The following TMEM132C variants were observed in gnomAD, a reference collection of about 807,000 sequenced individuals.
The protein encoded by TMEM132C is transmembrane protein 132C.
A neutral mutation model predicts 61.4 loss-of-function variants in TMEM132C; 29 were observed. The observed-to-expected ratio is 0.47, with a 90% CI of 0.35 to 0.64. TMEM132C has a LOEUF of 0.64. TMEM132C is among the 30% of genes least tolerant of loss of function. TMEM132C has a pLI of 0.00. For missense variants in TMEM132C, 1,408 were observed against 1,476.9 expected (o/e 0.95, Z 0.76); for synonymous variants, 656 against 633.1 (o/e 1.04, Z -0.54).
Position 128,328,934 on chromosome 12 carries a change from T to A in TMEM132C, c.85+61447T>A, listed in dbSNP as rs1244160825. 3.9e-5 allele frequency among the ~76,000 whole-genome samples: 6 copies of A among 152,218 alleles called. No individual in the cohort carries two copies. In the East Asian group the frequency reaches 1.2e-3, roughly 29 times the overall value. On this transcript the variant is annotated intron_variant, in intron 1 of 8. Transcript: ENST00000435159. The stretch of plus-strand genomic sequence containing the variant: ...TTGGATAACTGTTGTGATGCATCCC[T>A]GCCTATCCTCTGTGTGCTTTGGGTT...
intron 3 of TMEM132C, among the ~76,000 whole-genome samples, chr12:128,606,861 G>C (rs1365714169): frequency 6.6e-6 from 1 of 152,136 alleles, no homozygotes; most frequent in East Asian, 1.9e-4. Flanking sequence ...ATCTTTTCTA[G>C]AATTTTTAAA....
At chr12:128,288,055 C>CT (rs547550461) in intron 1 of TMEM132C, 5,879 of 135,142 alleles carry the variant, frequency 0.044, 319 homozygotes, top group African/African-American at 0.12. Flanking sequence ...TCCTCTCTTA[C>CT]TTTTTTTTTT....
chr12:128,608,640 T>G lies in TMEM132C; in HGVS notation c.1122-7512T>G, dbSNP rs556092718. On this transcript the variant is annotated intron_variant, in intron 3 of 8. Transcript: ENST00000435159. The stretch of plus-strand genomic sequence containing the variant: ...TAATCACAGAGAGAAAACACTTCTG[T>G]GTACAGCAGTAATTCTCCACATTGA... Among the ~76,000 whole-genome samples the G allele has an allele frequency of 2.0e-5, 3 of 152,336 alleles. No individual in the cohort carries two copies. The East Asian group carries it at 5.8e-4, about 29-fold the overall frequency.
intron 2 of TMEM132C, among the ~76,000 whole-genome samples, chr12:128,497,844 T>C (rs1434496344): frequency 6.6e-6 from 1 of 152,092 alleles, no homozygotes; most frequent in Non-Finnish European, 1.5e-5. Flanking sequence ...CTGCCCCCAA[T>C]GTCTGACAAG....
chr12:128,416,465 GT>G (rs900847644), intron 2 of TMEM132C, among the ~76,000 whole-genome samples: 3 of 152,276 alleles, frequency 2.0e-5, no homozygotes, highest in Non-Finnish European at 2.9e-5. Flanking sequence ...GGATAAAAAT[GT>G]TTTTTTCTTG....
intron 4 of TMEM132C, among the ~76,000 whole-genome samples, chr12:128,628,567 T>C (rs1954039561): frequency 6.6e-6 from 1 of 152,250 alleles, no homozygotes; most frequent in Non-Finnish European, 1.5e-5. Context: ...TGTCTATTTG[T>C]ACATTCATTA....
intron 2 of TMEM132C, among the ~76,000 whole-genome samples, chr12:128,523,919 G>A (rs954904138): frequency 2.0e-5 from 3 of 151,836 alleles, no homozygotes; most frequent in Admixed American, 1.3e-4. Flanking sequence ...AGGCTGAGGT[G>A]GGAGGATTGC....
At chr12:128,508,474 T>A (rs1232312818) in intron 2 of TMEM132C, among the ~76,000 whole-genome samples, 1 of 152,170 alleles carries the variant, frequency 6.6e-6, no homozygotes, top group Non-Finnish European at 1.5e-5. Context: ...TAATGATAGA[T>A]GCAGGGAGGC....
intron 3 of TMEM132C, among the ~76,000 whole-genome samples, chr12:128,613,929 A>G (rs959015591): frequency 4.6e-5 from 7 of 152,198 alleles, no homozygotes; most frequent in Non-Finnish European, 1.0e-4. Context: ...TTGATATGCC[A>G]TGGAAAATCT....
Position 128,278,750 on chromosome 12 carries a change from A to ATGTGTGTGTGTGTGTG in TMEM132C, c.85+11285_85+11300dup, listed in dbSNP as rs35003496. Among the ~76,000 whole-genome samples, 2 of 136,966 alleles carry ATGTGTGTGTGTGTGTG rather than the reference A, an allele frequency of 1.5e-5. No individual in the cohort carries two copies. Among genetic ancestry groups the ATGTGTGTGTGTGTGTG allele is most frequent in the African/African-American group, 5.3e-5 (2 of 37,460 alleles). 89.9% of individuals were successfully genotyped at this position (136,966 alleles called of 152,430 possible). Reference sequence around the variant, plus strand: ...TGTGCAGACTTGATTCTATACGTGTATGTGTGTGTGTGTGTGTGTGTGTGT... The same window carrying ATGTGTGTGTGTGTGTG: ...TGTGCAGACTTGATTCTATACGTGTATGTGTGTGTGTGTGTGTGTGTGTGTGTGTGTGTGTGTGTGT... On this transcript the variant is annotated intron_variant, in intron 1 of 8. Coordinates refer to ENST00000435159, the MANE Select transcript of TMEM132C (RefSeq NM_001136103.3). This position sits in a 1 kb window ranked among gnomAD's most constrained non-coding sequence, Gnocchi z 4.2.
chr12:128,435,826 G>A (rs1216344477), intron 2 of TMEM132C, among the ~76,000 whole-genome samples: 2 of 152,242 alleles, frequency 1.3e-5, no homozygotes, highest in East Asian at 3.9e-4. Flanking sequence ...CCAAAAAAGA[G>A]CCCACATTGC....
Position 128,570,261 on chromosome 12 carries a change from G to A in TMEM132C, c.1121+26158G>A, listed in dbSNP as rs1874832457. On this transcript the variant is annotated intron_variant, in intron 3 of 8. Transcript: ENST00000435159. The surrounding 1 kb of genome is among the most constrained non-coding windows in gnomAD (Gnocchi z 4.7). ...GTGGTCACATTGAGAAAAGATGCAA[G>A]ACGCATTCTGACACTTAGGTGAAGC... Among the ~76,000 whole-genome samples the A allele has an allele frequency of 6.6e-6, 1 of 151,954 alleles. No homozygotes were observed. Among genetic ancestry groups the A allele is most frequent in the African/African-American group, 2.4e-5 (1 of 41,336 alleles).
chr12:128,565,236 C>T (rs937732202), intron 3 of TMEM132C, among the ~76,000 whole-genome samples: 2 of 152,272 alleles, frequency 1.3e-5, no homozygotes, highest in African/African-American at 2.4e-5. Context: ...CTCTCAACAA[C>T]GACATGATCT....
chr12:128,549,022 G>C (rs1874060375), intron 3 of TMEM132C, among the ~76,000 whole-genome samples: 1 of 152,150 alleles, frequency 6.6e-6, no homozygotes, highest in Non-Finnish European at 1.5e-5. Context: ...GTAACAAGGG[G>C]AAACTGTCCA....
intron 2 of TMEM132C, among the ~76,000 whole-genome samples, chr12:128,507,461 T>A (rs1231795304): frequency 6.8e-6 from 1 of 146,028 alleles, no homozygotes; most frequent in Non-Finnish European, 1.5e-5. Context: ...GTCTTTCAGA[T>A]GAAAATCCAA....
At chr12:128,637,891 A>G (rs1426846076) in intron 4 of TMEM132C, among the ~76,000 whole-genome samples, 4 of 152,198 alleles carry the variant, frequency 2.6e-5, no homozygotes, top group Non-Finnish European at 5.9e-5. Context: ...AGCCTTGCAT[A>G]TCTAGGTAGG....
chr12:128,274,558 T>A (rs781223423), intron 1 of TMEM132C, among the ~76,000 whole-genome samples: 5 of 152,198 alleles, frequency 3.3e-5, no homozygotes, highest in Non-Finnish European at 7.3e-5. Context: ...AGCTCTTGAC[T>A]CCAGAGAAAG....
chr12:128,313,704 T>C (rs1236655578), intron 1 of TMEM132C, among the ~76,000 whole-genome samples: 1 of 152,118 alleles, frequency 6.6e-6, no homozygotes, highest in African/African-American at 2.4e-5. Context: ...CATAAATAAA[T>C]GGTCAAACTG....
At chr12:128,515,683 A>C (rs1263481728) in intron 2 of TMEM132C, among the ~76,000 whole-genome samples, 3 of 152,132 alleles carry the variant, frequency 2.0e-5, no homozygotes, top group Non-Finnish European at 4.4e-5. Context: ...AATACAAAAA[A>C]AATTAGCTGG....
Sources: gnomAD v4.1 joint callset for allele counts (sites outside exome capture counted in the v4.1 genomes callset) on GRCh38, gnomAD v4.1.1 for gene constraint, Gnocchi (gnomAD v3.1) non-coding constraint, MANE v1.5 for transcripts, NCBI Gene and HGNC (gene_info 2026-07-23, HGNC 2026-07-21) for gene names.